The following CNKSR2 variants were observed in gnomAD, a reference collection of about 807,000 sequenced individuals.
The protein encoded by CNKSR2 is connector enhancer of kinase suppressor of Ras 2, also known as CNK homolog protein 2.
Under a neutral mutation model 84.4 loss-of-function variants are expected in CNKSR2, and 14 were observed. That is an observed-to-expected ratio of 0.17 (90% CI 0.11 to 0.26). CNKSR2 has a LOEUF of 0.26. Among genes scored for constraint, CNKSR2 ranks in the 10% least tolerant of loss-of-function variants. CNKSR2 has a pLI of 1.00. For missense variants in CNKSR2, 485 were observed against 771.2 expected (o/e 0.63, Z 4.40); for synonymous variants, 275 against 277.9 (o/e 0.99, Z 0.10).
chrX:21,385,388 G>A (rs779165810), intron 1 of CNKSR2, among the ~76,000 whole-genome samples: 1 of 111,888 alleles, frequency 8.9e-6, no homozygotes, highest in East Asian at 2.8e-4. Context: ...ACATATAAAT[G>A]TCAACTTTTT....
intron 5 of CNKSR2, among the ~76,000 whole-genome samples, chrX:21,489,026 A>T (rs2091414937): frequency 9.0e-6 from 1 of 111,441 alleles, no homozygotes; most frequent in South Asian, 3.8e-4. Flanking sequence ...GAGCCAGACT[A>T]AATTTTGTAT....
intron 11 of CNKSR2, among the ~76,000 whole-genome samples, chrX:21,540,774 T>G (rs764880448): frequency 9.8e-5 from 11 of 111,927 alleles, no homozygotes; most frequent in African/African-American, 3.6e-4. Flanking sequence ...AGAGTTAAGA[T>G]TATAAGAATA....
intron 20 of CNKSR2, among the ~76,000 whole-genome samples, chrX:21,631,793 A>G (rs1356906168): frequency 1.8e-5 from 2 of 112,221 alleles, no homozygotes; most frequent in Non-Finnish European, 3.8e-5. Context: ...TCTTCTTTCA[A>G]GATATTGCAT....
chrX:21,595,289 A>G, intron 16 of CNKSR2, 35 bp from the exon 17 acceptor site: 1 of 1,061,067 alleles, frequency 9.4e-7, no homozygotes, highest in Non-Finnish European at 1.3e-6. Context: ...CTTATTTCCC[A>G]ATTTGTAATA....
At chrX:21,562,968 AATCT>A (rs1259826223) in intron 12 of CNKSR2, among the ~76,000 whole-genome samples, 1 of 111,739 alleles carries the variant, frequency 8.9e-6, no homozygotes, top group African/African-American at 3.2e-5. Flanking sequence ...TTGGAGAAAT[AATCT>A]ATCGACTGTC....
At chrX:21,563,141 A>G (rs985269988) in intron 12 of CNKSR2, 97 bp from the exon 13 acceptor site, 6 of 656,450 alleles carry the variant, frequency 9.1e-6, no homozygotes, top group Non-Finnish European at 1.1e-5. Flanking sequence ...AAAAACTGCA[A>G]TTACTTTTGC....
chrX:21,490,356 T>A, intron 5 of CNKSR2, 103 bp from the exon 6 acceptor site: 2 of 827,522 alleles, frequency 2.4e-6, no homozygotes, highest in Non-Finnish European at 3.4e-6. Context: ...GTTACTTTCT[T>A]CTACTGTTTA....
intron 20 of CNKSR2, among the ~76,000 whole-genome samples, chrX:21,613,939 CAA>C (rs574989450): frequency 1.2e-4 from 6 of 50,145 alleles, no homozygotes; most frequent in Admixed American, 5.1e-4. Flanking sequence ...ACTCTGTCTC[CAA>C]AAAAAAAAAA....
chrX:21,459,498 A>C (rs369295473), intron 4 of CNKSR2, among the ~76,000 whole-genome samples: 1 of 109,108 alleles, frequency 9.2e-6, no homozygotes, highest in Non-Finnish European at 1.9e-5. Context: ...TGTCATGTCA[A>C]CTCCTCCAAT....
chrX:21,409,228 TTATATATATATATATA>T (rs57301315), intron 1 of CNKSR2, among the ~76,000 whole-genome samples: 4,495 of 38,379 alleles, frequency 0.12, 373 homozygotes, highest in African/African-American at 0.25. Flanking sequence ...AATGAAAAAA[TTATATATATATATATA>T]TATATATATA....
At chrX:21,592,675 A>G (rs1010587855) in intron 15 of CNKSR2, 5 of 111,574 alleles carry the variant, frequency 4.5e-5, no homozygotes, top group Non-Finnish European at 9.4e-5. Context: ...TATCACCTAT[A>G]TAAAAATATT....
chrX:21,530,273 C>T (rs1266804308), intron 10 of CNKSR2, among the ~76,000 whole-genome samples: 1 of 111,373 alleles, frequency 9.0e-6, no homozygotes, highest in Non-Finnish European at 1.9e-5. Flanking sequence ...ATGGCAACAA[C>T]ACCTTGTGAT....
intron 1 of CNKSR2, among the ~76,000 whole-genome samples, chrX:21,416,966 T>C (rs1341569206): frequency 8.9e-6 from 1 of 111,747 alleles, no homozygotes; most frequent in Non-Finnish European, 1.9e-5. Context: ...ATTTTGGTTT[T>C]GGTTTGCTCT....
In CNKSR2 at chrX:21,385,115, A is replaced by G. The variant is rs552196138; in HGVS notation, c.64+10154A>G. On this transcript the variant is annotated intron_variant, in intron 1 of 21. Transcript: ENST00000379510. ...TTTAAAATTTTTTTCTGAATTTTCT[A>G]CCCTTTAAAAATTGGCATAATATGT... 3.6e-5 allele frequency among the ~76,000 whole-genome samples: 4 copies of G among 111,727 alleles called. No homozygotes were observed. In the East Asian group the frequency reaches 8.4e-4, roughly 24 times the overall value.
intron 9 of CNKSR2, among the ~76,000 whole-genome samples, chrX:21,520,017 A>G (rs1353729509): frequency 9.0e-6 from 1 of 111,687 alleles, no homozygotes; most frequent in African/African-American, 3.2e-5. Flanking sequence ...TACTAAAAGC[A>G]TAGTGACTTC....
At chrX:21,396,706 A>G (rs2090126632) in intron 1 of CNKSR2, among the ~76,000 whole-genome samples, 1 of 112,028 alleles carries the variant, frequency 8.9e-6, no homozygotes, top group Admixed American at 9.4e-5. Flanking sequence ...AATGAGAACA[A>G]ACTTTTAGAA....
chrX:21,395,240 T>C (rs2090105024), intron 1 of CNKSR2, among the ~76,000 whole-genome samples: 1 of 112,070 alleles, frequency 8.9e-6, no homozygotes, highest in Admixed American at 9.5e-5. Flanking sequence ...TCAACTCATA[T>C]ATAAGACTTC....
chrX:21,532,521 T>A (rs1256251140), intron 11 of CNKSR2, among the ~76,000 whole-genome samples: 1 of 110,793 alleles, frequency 9.0e-6, no homozygotes, highest in Admixed American at 9.7e-5. Flanking sequence ...TTGTATTTTT[T>A]AAAGAAGCTG....
rs1051598100 is a variant in CNKSR2, at chrX:21,379,921, A to C, written c.64+4960A>C. Among the ~76,000 whole-genome samples, 5 of 111,739 alleles carry C rather than the reference A, an allele frequency of 4.5e-5. No individual in the cohort carries two copies. The Admixed American group carries it at 4.8e-4, about 11-fold the overall frequency. On this transcript the variant is annotated intron_variant, in intron 1 of 21. Transcript: ENST00000379510. The stretch of plus-strand genomic sequence containing the variant: ...AACTATTTAAGCTACTTATTTAATT[A>C]AGGCATAATCTAAGAGGGATGTATA...
Sources: gnomAD v4.1 joint callset for allele counts (sites outside exome capture counted in the v4.1 genomes callset) on GRCh38, gnomAD v4.1.1 for gene constraint, MANE v1.5 for transcripts, NCBI Gene and HGNC (gene_info 2026-07-23, HGNC 2026-07-21) for gene names.